Variants in TAGLN observed in about 807,000 individuals in gnomAD.
TAGLN encodes the protein 22 kDa actin-binding protein.
A neutral mutation model predicts 21.9 loss-of-function variants in TAGLN; 16 were observed. The observed-to-expected ratio is 0.73, with a 90% confidence interval of 0.49 to 1.11. The LOEUF (loss-of-function observed/expected upper bound fraction) is 1.11. Among genes scored for constraint, TAGLN ranks in the 50% least tolerant of loss-of-function variants. TAGLN has a pLI of 0.00. For synonymous variants in TAGLN, 96 were observed against 94.9 expected (o/e 1.01, Z -0.06); for missense variants, 248 against 263.2 (o/e 0.94, Z 0.40).
chr11:117,202,469 AC>A (rs2031139438), intron 1 of TAGLN: 1 of 152,000 alleles, frequency 6.6e-6, no homozygotes, highest in Admixed American at 6.6e-5. Context: ...AAACCCTCAC[AC>A]CCGCAGCTGG....
chr11:117,206,421 A>C lies in TAGLN; in HGVS notation c.*2062A>C, dbSNP rs1158429774. 4.5e-6 allele frequency: 7 copies of C among 1,546,974 alleles called. No homozygotes were observed. The highest frequency in any genetic ancestry group is 4.1e-5 in the African/African-American group (3 of 72,570). On this transcript the variant is annotated 3_prime_UTR_variant, in exon 5 of 5. Transcript: ENST00000392951. ...CGAAGCCTACAGCCTTTCTCAGCCC[A>C]GGACAATGAGCTCAGAAAGTCTTTT...
Position 117,204,366 on chromosome 11 carries a change from G to A in TAGLN, c.*7G>A, listed in dbSNP as rs1169272493. On this transcript the variant is annotated 3_prime_UTR_variant, in exon 5 of 5. Transcript: ENST00000392951. ...TCGGCAGATCATCAGTTAGAGCGGAGAGGGCTAGCCCTGAGCCCGGCCCTC... is the reference window on the plus strand; with the variant it reads ...TCGGCAGATCATCAGTTAGAGCGGAAAGGGCTAGCCCTGAGCCCGGCCCTC... The A allele has an allele frequency of 1.2e-6, 2 of 1,614,110 alleles. No homozygotes were observed. Among genetic ancestry groups the A allele is most frequent in the East Asian group, 2.2e-5 (1 of 44,900 alleles).
intron 1 of TAGLN, chr11:117,200,135 C>G (rs1040678471): frequency 6.6e-6 from 1 of 152,258 alleles, no homozygotes; most frequent in Admixed American, 6.5e-5. Context: ...AGGGTGGTTC[C>G]CTTTCGAAGT....
chr11:117,201,311 G>A (rs930502182), intron 1 of TAGLN: 17 of 152,350 alleles, frequency 1.1e-4, no homozygotes, highest in African/African-American at 3.6e-4. Context: ...GCCCAATGAC[G>A]GGCACTTCGA....
chr11:117,206,010 T>C lies in TAGLN; in HGVS notation c.*1651T>C. ...CAGGCCCTGAGGTCAGCAGATCTGC[T>C]CCTCCTTCCCGTGCGGTACGTCTAG... On this transcript the variant is annotated 3_prime_UTR_variant, in exon 5 of 5. Coordinates refer to ENST00000392951, the MANE Select transcript of TAGLN (RefSeq NM_003186.5). The C allele has an allele frequency of 8.4e-7, 1 of 1,193,254 alleles. No individual in the cohort carries two copies. Among genetic ancestry groups the C allele is most frequent in the Admixed American group, 2.4e-5 (1 of 41,780 alleles). The allele number at this position is 1,193,254 out of a possible 1,614,324, so 73.9% of individuals were successfully genotyped here. A position where few individuals can be genotyped will look rare whatever the true frequency, so the allele number is the denominator to read the frequency against.
rs532133823 is a variant in TAGLN at position 117,204,646 on chromosome 11, G to T, written c.*287G>T. 2.9e-4 allele frequency: 147 copies of T among 510,564 alleles called. No homozygotes were observed. The highest frequency in any genetic ancestry group is 2.7e-3 in the South Asian group (143 of 52,300). The allele number at this position is 510,564 out of a possible 1,614,324, so 31.6% of individuals were successfully genotyped here. On this transcript the variant is annotated 3_prime_UTR_variant, in exon 5 of 5. Coordinates refer to ENST00000392951, the MANE Select transcript of TAGLN (RefSeq NM_003186.5). Reference sequence around the variant, plus strand: ...TAAGCAGGGGAGAAGCGGGCTGGGGGTAGCCTGGATGTGGGCCAAGTCCAC... The same window carrying T: ...TAAGCAGGGGAGAAGCGGGCTGGGGTTAGCCTGGATGTGGGCCAAGTCCAC...
chr11:117,204,306 G>A lies in TAGLN; in HGVS notation c.553G>A (p.Ala185Thr), dbSNP rs201002832. The A allele has an allele frequency of 1.2e-6, 2 of 1,614,234 alleles. No homozygotes were observed. The highest frequency in any genetic ancestry group is 1.7e-6 in the Non-Finnish European group (2 of 1,180,044). Residue 185 changes from alanine to threonine, a missense_variant, in exon 5 of 5, where the codon GCC becomes ACC. Transcript: ENST00000392951. ...CCTTCAGATGGGCAGCAACAGAGGG[G>A]CCTCCCAGGCCGGCATGACAGGCTA... Reference protein sequence around the residue: ...IGLQMGSNRGASQAGMTGYGR... With the variant: ...IGLQMGSNRGTSQAGMTGYGR...
At chr11:117,202,842 C>A in intron 1 of TAGLN, 160 bp from the exon 2 acceptor site, 1 of 542,136 alleles carries the variant, frequency 1.8e-6, no homozygotes, top group Non-Finnish European at 3.1e-6. Flanking sequence ...AGAGAGGTGT[C>A]TGGAGTAGGG....
intron 4 of TAGLN, 132 bp from the exon 5 acceptor site, chr11:117,204,083 G>A (rs2031225559): frequency 2.2e-6 from 3 of 1,383,886 alleles, no homozygotes; most frequent in African/African-American, 1.4e-5. Flanking sequence ...AGCCTATGAG[G>A]CAAGCTAGAT....
chr11:117,203,586 C>T lies in TAGLN; in HGVS notation c.358+102C>T, dbSNP rs1192577203. 9 of 1,387,098 alleles carry T rather than the reference C, an allele frequency of 6.5e-6. No homozygotes were observed. Among genetic ancestry groups the T allele is most frequent in the Non-Finnish European group, 9.0e-6 (9 of 1,005,254 alleles). 85.9% of individuals were successfully genotyped at this position (1,387,098 alleles called of 1,614,324 possible). The stretch of plus-strand genomic sequence containing the variant: ...ATGCCACAACTAGGGGTGTGCTTGC[C>T]CGCACACAGCAGGGATGGGATATGC... On this transcript the variant is annotated intron_variant, in intron 3 of 4. Transcript: ENST00000392951. The surrounding 1 kb of genome is among the most constrained non-coding windows in gnomAD (Gnocchi z 4.4).
chr11:117,202,986 C>T lies in TAGLN; in HGVS notation c.-12-16C>T, dbSNP rs778576680. The T allele has an allele frequency of 5.9e-6, 9 of 1,537,722 alleles. No homozygotes were observed. Among genetic ancestry groups the T allele is most frequent in the South Asian group, 2.6e-5 (2 of 78,138 alleles). On this transcript the variant is annotated splice_polypyrimidine_tract_variant and intron_variant, in intron 1 of 4. Transcript: ENST00000392951. ...TGACCCTCTGCCCCTCCCTCCTCCACCCTGGCCTGCTTTAGCTTTCCCCAG... is the reference window on the plus strand; with the variant it reads ...TGACCCTCTGCCCCTCCCTCCTCCATCCTGGCCTGCTTTAGCTTTCCCCAG...
chr11:117,201,192 G>A (rs1004454694), intron 1 of TAGLN: 8 of 152,246 alleles, frequency 5.3e-5, no homozygotes, highest in Admixed American at 1.3e-4. Flanking sequence ...GGAGAGGGGT[G>A]GCTGGGCCAG....
rs2031254888 is a variant in TAGLN at position 117,204,522 on chromosome 11, G to C, written c.*163G>C. 1 of 1,113,024 alleles carries C rather than the reference G, an allele frequency of 9.0e-7. No individual in the cohort carries two copies. The highest frequency in any genetic ancestry group is 1.3e-5 in the South Asian group (1 of 75,088). 68.9% of individuals were successfully genotyped at this position (1,113,024 alleles called of 1,614,324 possible). A position where few individuals can be genotyped will look rare whatever the true frequency, so the allele number is the denominator to read the frequency against. ...AACTGCACCTGGGCAGCTCCTCCCT[G>C]TGCCCCCAGCCTCAGCCCAACTTCT... On this transcript the variant is annotated 3_prime_UTR_variant, in exon 5 of 5. Coordinates refer to ENST00000392951, the MANE Select transcript of TAGLN (RefSeq NM_003186.5).
At position 117,205,678 on chromosome 11, in the gene TAGLN, C is replaced by T. The variant is rs1171480150; in HGVS notation, c.*1319C>T. The T allele has an allele frequency of 1.0e-5, 3 of 290,490 alleles. No homozygotes were observed. The highest frequency in any genetic ancestry group is 1.3e-5 in the Non-Finnish European group (2 of 157,232). 18.0% of individuals were successfully genotyped at this position (290,490 alleles called of 1,614,324 possible). ...CTCAACTTATATGTGGGAAGGGGTC[C>T]CCCATGCTTGGGGGACCTAGGCAGC... On this transcript the variant is annotated 3_prime_UTR_variant, in exon 5 of 5. Transcript: ENST00000392951.
At position 117,206,193 on chromosome 11, in the gene TAGLN, T is replaced by C; in HGVS notation, c.*1834T>C. 1 of 1,614,070 alleles carries C rather than the reference T, an allele frequency of 6.2e-7. No individual in the cohort carries two copies. The highest frequency in any genetic ancestry group is 8.5e-7 in the Non-Finnish European group (1 of 1,179,966). The stretch of plus-strand genomic sequence containing the variant: ...CTTGCTGCTGCAAAGTGGCACTGAT[T>C]CTAGCTCTGTCCCTTCCTCCTTGGC... On this transcript the variant is annotated 3_prime_UTR_variant, in exon 5 of 5. Transcript: ENST00000392951.
rs199983006 is a variant in TAGLN, at chr11:117,203,217, C to T, written c.180+24C>T. 1.4e-4 allele frequency: 230 copies of T among 1,592,230 alleles called. No individual in the cohort carries two copies. The highest frequency in any genetic ancestry group is 1.3e-3 in the African/African-American group (100 of 74,616). On this transcript the variant is annotated intron_variant, in intron 2 of 4. Coordinates refer to ENST00000392951, the MANE Select transcript of TAGLN (RefSeq NM_003186.5). The surrounding 1 kb of genome is among the most constrained non-coding windows in gnomAD (Gnocchi z 4.4). ...TGGTGAGTGGCACCCTGGGCTAGGGCGCTGGGGGGCTGGGGTGTGCCACCC... is the reference window on the plus strand; with the variant it reads ...TGGTGAGTGGCACCCTGGGCTAGGGTGCTGGGGGGCTGGGGTGTGCCACCC...
At position 117,204,479 on chromosome 11, in the gene TAGLN, C is replaced by T. The variant is rs1231222341; in HGVS notation, c.*120C>T. 16 of 1,474,356 alleles carry T rather than the reference C, an allele frequency of 1.1e-5. No homozygotes were observed. Among genetic ancestry groups the T allele is most frequent in the Non-Finnish European group, 1.4e-5 (15 of 1,072,888 alleles). The allele number at this position is 1,474,356 out of a possible 1,614,324, so 91.3% of individuals were successfully genotyped here. A position where few individuals can be genotyped will look rare whatever the true frequency, so the allele number is the denominator to read the frequency against. Reference sequence around the variant, plus strand: ...TCAGCCCTGGCCAAGCTTTGAGGCTCTGTCACTGAGCAATGGTAACTGCAC... The same window carrying T: ...TCAGCCCTGGCCAAGCTTTGAGGCTTTGTCACTGAGCAATGGTAACTGCAC... On this transcript the variant is annotated 3_prime_UTR_variant, in exon 5 of 5. Transcript: ENST00000392951.
chr11:117,204,342 C>A lies in TAGLN; in HGVS notation c.589C>A (p.Arg197=). The A allele has an allele frequency of 6.2e-7, 1 of 1,614,230 alleles. No homozygotes were observed. The highest frequency in any genetic ancestry group is 2.2e-5 in the East Asian group (1 of 44,884). ...QAGMTGYGRP[R]QIIS ...CGGCATGACAGGCTACGGACGACCT[C>A]GGCAGATCATCAGTTAGAGCGGAGA... Residue 197 remains arginine, a synonymous_variant, in exon 5 of 5, where the codon CGG becomes AGG. Transcript: ENST00000392951.
rs145248372 is a variant in TAGLN at position 117,203,098 on chromosome 11, C to A, written c.85C>A (p.Arg29=). 1.9e-6 allele frequency: 3 copies of A among 1,612,348 alleles called. No individual in the cohort carries two copies. Among genetic ancestry groups the A allele is most frequent in the East Asian group, 2.2e-5 (1 of 44,874 alleles). Residue 29 remains arginine, a synonymous_variant, in exon 2 of 5, where the codon CGG becomes AGG. Transcript: ENST00000392951. The surrounding 1 kb of genome is among the most constrained non-coding windows in gnomAD (Gnocchi z 4.4). ...GAAGTATGACGAGGAGCTGGAGGAG[C>A]GGCTGGTGGAGTGGATCATAGTGCA... The part of the protein sequence containing the change: ...EKKYDEELEE[R]LVEWIIVQCG...
Sources: allele counts gnomAD v4.1 joint callset, GRCh38; gene constraint gnomAD v4.1.1; non-coding constraint Gnocchi (gnomAD v3.1); transcripts MANE v1.5; gene names NCBI Gene and HGNC (gene_info 2026-07-23, HGNC 2026-07-21).